The following ERICH6B variants were observed in gnomAD, a reference collection of about 807,000 sequenced individuals.
ERICH6B encodes the protein glutamate-rich protein 6B.
A neutral mutation model predicts 80.0 loss-of-function variants in ERICH6B; 69 were observed. The ratio of observed to expected loss-of-function variants is 0.86; its 90% CI spans 0.71 to 1.05. The LOEUF (loss-of-function observed/expected upper bound fraction) is 1.05. Among genes scored for constraint, ERICH6B ranks in the 50% least tolerant of loss-of-function variants. The pLI, the probability that ERICH6B is intolerant of heterozygous loss-of-function variation, is 0.00. For missense variants in ERICH6B, 754 were observed against 796.1 expected, an observed-to-expected ratio of 0.95 and a Z score of 0.64; for synonymous variants, 283 against 291.9, an observed-to-expected ratio of 0.97 and a Z score of 0.31.
rs1270167282 is a variant in ERICH6B, at chr13:45,596,947, G to A, written c.59C>T (p.Pro20Leu). 3 of 1,551,752 alleles carry A rather than the reference G, an allele frequency of 1.9e-6. No individual in the cohort carries two copies. Among genetic ancestry groups the A allele is most frequent in the African/African-American group, 1.4e-5 (1 of 73,176 alleles). ...GASPPHPPTT[P>L]QYSTQNLPSE... Reference sequence around the variant, plus strand: ...AGGCAAGTTCTGTGTGGAATATTGGGGAGTTGTGGGAGGGTGAGGAGGTGA... The same window carrying A: ...AGGCAAGTTCTGTGTGGAATATTGGAGAGTTGTGGGAGGGTGAGGAGGTGA... Residue 20 changes from proline to leucine, a missense_variant, in exon 3 of 15, where the codon CCC (proline) becomes CTC (leucine). Physicochemically the swap from Pro to Leu is moderately conservative, Grantham distance 98. Transcript: ENST00000298738.
intron 11 of ERICH6B, among the ~76,000 whole-genome samples, chr13:45,561,059 G>GGGAC (rs1280446439): frequency 6.6e-6 from 1 of 152,094 alleles, no homozygotes; most frequent in African/African-American, 2.4e-5. Flanking sequence ...CTAAGCAGCT[G>GGGAC]GGACTACAGA....
intron 9 of ERICH6B, among the ~76,000 whole-genome samples, chr13:45,565,603 T>C (rs373799173): frequency 6.6e-6 from 1 of 152,202 alleles, no homozygotes; most frequent in East Asian, 1.9e-4. Flanking sequence ...AAAAGTCTCA[T>C]GAGATCTGAA....
intron 11 of ERICH6B, among the ~76,000 whole-genome samples, chr13:45,550,749 C>G (rs541844999): frequency 1.2e-3 from 182 of 152,258 alleles, no homozygotes; most frequent in African/African-American, 4.3e-3. Flanking sequence ...GACGGAGATC[C>G]TTGACATTCC....
chr13:45,561,969 GAAGTGTATAT>G (rs1186208025), intron 10 of ERICH6B, among the ~76,000 whole-genome samples: 1 of 152,206 alleles, frequency 6.6e-6, no homozygotes, highest in East Asian at 1.9e-4. Context: ...AGGTAAAATG[GAAGTGTATAT>G]TAACATGTCA....
At chr13:45,588,326 GC>G (rs1876006615) in intron 4 of ERICH6B, among the ~76,000 whole-genome samples, 1 of 152,192 alleles carries the variant, frequency 6.6e-6, no homozygotes, top group Non-Finnish European at 1.5e-5. Context: ...GTCTGTGCCG[GC>G]CCAGCAGCCT....
intron 9 of ERICH6B, among the ~76,000 whole-genome samples, chr13:45,566,460 A>AC (rs1384596932): frequency 6.6e-6 from 1 of 152,244 alleles, no homozygotes; most frequent in Non-Finnish European, 1.5e-5. Context: ...TTCATGGGCC[A>AC]GGCCCAGGGT....
chr13:45,609,521 C>T (rs1949887771), intron 1 of ERICH6B, among the ~76,000 whole-genome samples: 1 of 152,306 alleles, frequency 6.6e-6, no homozygotes. Context: ...CTGAACATAC[C>T]ATGTTCTTTG....
chr13:45,567,014 C>T (rs962573349), intron 9 of ERICH6B, among the ~76,000 whole-genome samples: 1 of 152,252 alleles, frequency 6.6e-6, no homozygotes, highest in Non-Finnish European at 1.5e-5. Context: ...TTAGCATGAC[C>T]TGGATGTGAG....
rs546894068 is a variant in ERICH6B, at chr13:45,614,398, C to T, written c.-111+1287G>A. Among the ~76,000 whole-genome samples the T allele has an allele frequency of 9.9e-5, 15 of 152,276 alleles. No individual in the cohort carries two copies. In the South Asian group the frequency reaches 2.9e-3, roughly 29 times the overall value. ...TCACCCATGAGACTGTAGCCCGGCA[C>T]CATGTCAGGCACGTAGCAGGATTTC... On this transcript the variant is annotated intron_variant, in intron 1 of 14. Coordinates refer to ENST00000298738, the MANE Select transcript of ERICH6B (RefSeq NM_182542.3).
At chr13:45,547,613 C>T (rs556486429) in intron 13 of ERICH6B, among the ~76,000 whole-genome samples, 9 of 152,300 alleles carry the variant, frequency 5.9e-5, no homozygotes, top group African/African-American at 1.9e-4. Context: ...GTTGAGCCAC[C>T]GTGCAAGCAC....
chr13:45,586,924 A>T, intron 5 of ERICH6B, 139 bp downstream of exon 5: 1 of 953,032 alleles, frequency 1.0e-6, no homozygotes, highest in Non-Finnish European at 1.5e-6. Flanking sequence ...ATGAGACCTC[A>T]GAGGGCAACA....
At chr13:45,584,464 G>A (rs1192137182) in intron 5 of ERICH6B, among the ~76,000 whole-genome samples, 1 of 152,200 alleles carries the variant, frequency 6.6e-6, no homozygotes, top group Non-Finnish European at 1.5e-5. Flanking sequence ...CATTGTGGTT[G>A]AACAATTCCA....
intron 7 of ERICH6B, among the ~76,000 whole-genome samples, chr13:45,578,846 A>T (rs1447521339): frequency 6.6e-6 from 1 of 152,228 alleles, no homozygotes; most frequent in Non-Finnish European, 1.5e-5. Context: ...TGAGCCCAGA[A>T]GTTGAGACAA....
intron 1 of ERICH6B, among the ~76,000 whole-genome samples, chr13:45,612,557 A>G (rs911730432): frequency 1.3e-5 from 2 of 152,090 alleles, no homozygotes; most frequent in Admixed American, 6.5e-5. Context: ...GTCCCCACTT[A>G]ATTAAAAGCT....
intron 8 of ERICH6B, among the ~76,000 whole-genome samples, chr13:45,572,304 G>C (rs1428934724): frequency 6.6e-6 from 1 of 152,156 alleles, no homozygotes; most frequent in Non-Finnish European, 1.5e-5. Flanking sequence ...GTGTTCATCT[G>C]TACCACTACA....
chr13:45,602,554 A>T (rs917497381), intron 2 of ERICH6B, among the ~76,000 whole-genome samples: 1 of 152,142 alleles, frequency 6.6e-6, no homozygotes, highest in Non-Finnish European at 1.5e-5. Context: ...AAGGGTTTGA[A>T]GGTAGCAATT....
chr13:45,610,254 C>T (rs1276971175), intron 1 of ERICH6B, among the ~76,000 whole-genome samples: 1 of 151,964 alleles, frequency 6.6e-6, no homozygotes, highest in Non-Finnish European at 1.5e-5. Context: ...CCTGGACCCG[C>T]CAACTACTCC....
chr13:45,592,064 A>G (rs1593323055), intron 3 of ERICH6B, among the ~76,000 whole-genome samples: 1 of 152,210 alleles, frequency 6.6e-6, no homozygotes, highest in Non-Finnish European at 1.5e-5. Context: ...TGGCCCTTCT[A>G]ATGATTTTCT....
intron 11 of ERICH6B, among the ~76,000 whole-genome samples, chr13:45,554,272 C>T (rs939143975): frequency 1.3e-5 from 2 of 152,192 alleles, no homozygotes; most frequent in Non-Finnish European, 2.9e-5. Flanking sequence ...CCAGGTTCAT[C>T]CATGTTCTCA....
Sources: gnomAD v4.1 joint callset for allele counts (sites outside exome capture counted in the v4.1 genomes callset) on GRCh38, gnomAD v4.1.1 for gene constraint, MANE v1.5 for transcripts, NCBI Gene and HGNC (gene_info 2026-07-23, HGNC 2026-07-21) for gene names.